The following TTC6 variants were observed in gnomAD, a reference collection of about 807,000 sequenced individuals.
The protein encoded by TTC6 is tetratricopeptide repeat domain 6.
A neutral mutation model predicts 210.4 loss-of-function variants in TTC6; 172 were observed. The observed-to-expected ratio is 0.82, with a 90% confidence interval of 0.72 to 0.93. TTC6 has a LOEUF of 0.93. TTC6 is among the 40% of genes least tolerant of loss of function. The pLI is 0.00. For missense variants in TTC6, 2,414 were observed against 2,318.1 expected (o/e 1.04, Z -0.85); for synonymous variants, 804 against 819.6 (o/e 0.98, Z 0.32).
At chr14:37,698,811 A>T (rs1027695557) in intron 4 of TTC6, among the ~76,000 whole-genome samples, 11 of 152,198 alleles carry the variant, frequency 7.2e-5, no homozygotes, top group Non-Finnish European at 1.3e-4. Context: ...CCATTTCTTG[A>T]GATATTTCTG....
At chr14:37,692,689 T>A (rs2095806146) in intron 3 of TTC6, among the ~76,000 whole-genome samples, 1 of 151,518 alleles carries the variant, frequency 6.6e-6, no homozygotes, top group African/African-American at 2.4e-5. Context: ...AGAAACCCCA[T>A]CTCCACTAAA....
At chr14:37,655,375 C>T (rs2095720304) in intron 1 of TTC6, among the ~76,000 whole-genome samples, 1 of 152,052 alleles carries the variant, frequency 6.6e-6, no homozygotes, top group African/African-American at 2.4e-5. Context: ...ATTTTATTTC[C>T]AGCAGTTTGA....
At chr14:37,729,704 C>T (rs1020485397) in intron 7 of TTC6, among the ~76,000 whole-genome samples, 4 of 152,184 alleles carry the variant, frequency 2.6e-5, no homozygotes, top group African/African-American at 9.7e-5. Context: ...AAGGTTCCCC[C>T]TGCCTACTCC....
At chr14:37,605,941 C>T (rs2095624364) in intron 1 of TTC6, among the ~76,000 whole-genome samples, 2 of 150,964 alleles carry the variant, frequency 1.3e-5, no homozygotes, top group African/African-American at 4.9e-5. Flanking sequence ...TTTTATCCTG[C>T]CTTAAGAACC....
At chr14:37,771,992 TC>T (rs2096020548) in intron 14 of TTC6, among the ~76,000 whole-genome samples, 1 of 152,172 alleles carries the variant, frequency 6.6e-6, no homozygotes, top group Non-Finnish European at 1.5e-5. Context: ...GGTGTGAATG[TC>T]CTTTCTGTTT....
At chr14:37,779,025 C>T (rs146108969) in intron 14 of TTC6, among the ~76,000 whole-genome samples, 43 of 152,282 alleles carry the variant, frequency 2.8e-4, no homozygotes, top group South Asian at 2.5e-3. Flanking sequence ...TTTTGCCCCA[C>T]CACCTTTCTA....
At chr14:37,796,364 G>C (rs1267142631) in exon 19 of TTC6, 1 of 1,182,588 alleles carries the variant, frequency 8.5e-7, no homozygotes, top group East Asian at 2.5e-5. Flanking sequence ...AGCAGAAATG[G>C]ACAAAGGTAA....
intron 10 of TTC6, among the ~76,000 whole-genome samples, chr14:37,742,369 T>C (rs2138971700): frequency 6.6e-6 from 1 of 152,158 alleles, no homozygotes; most frequent in South Asian, 2.1e-4. Flanking sequence ...TCCTTAGTTG[T>C]TTTATCCTTC....
intron 14 of TTC6, among the ~76,000 whole-genome samples, chr14:37,765,492 C>T (rs1595221605): frequency 6.6e-6 from 1 of 152,188 alleles, no homozygotes; most frequent in Non-Finnish European, 1.5e-5. Context: ...CAAATTACAT[C>T]CTTATACATT....
At chr14:37,793,081 C>T (rs2096084234) in intron 17 of TTC6, among the ~76,000 whole-genome samples, 1 of 152,134 alleles carries the variant, frequency 6.6e-6, no homozygotes, top group Non-Finnish European at 1.5e-5. Flanking sequence ...TACCACTTCA[C>T]CTCTAACTGC....
intron 14 of TTC6, among the ~76,000 whole-genome samples, 172 bp from the exon 17 acceptor site, chr14:37,787,296 T>G (rs965659932): frequency 6.6e-6 from 1 of 152,204 alleles, no homozygotes. Flanking sequence ...GTACTTCAAT[T>G]TATAAAAAGT....
At chr14:37,781,566 T>G (rs1304971033) in intron 14 of TTC6, among the ~76,000 whole-genome samples, 1 of 152,198 alleles carries the variant, frequency 6.6e-6, no homozygotes, top group Admixed American at 6.5e-5. Context: ...TTTTCTCCCA[T>G]TCTGTAGGTT....
intron 2 of TTC6, among the ~76,000 whole-genome samples, chr14:37,616,363 G>A (rs1192310011): frequency 1.3e-5 from 2 of 152,084 alleles, no homozygotes; most frequent in African/African-American, 4.8e-5. Flanking sequence ...GTTATGGACT[G>A]TGTTTGAAGA....
chr14:37,689,051 C>T (rs1029392657), intron 3 of TTC6, among the ~76,000 whole-genome samples: 1 of 151,896 alleles, frequency 6.6e-6, no homozygotes, highest in Non-Finnish European at 1.5e-5. Flanking sequence ...TGAAGAAACT[C>T]AAAGAAATTC....
intron 3 of TTC6, 57 bp from the exon 6 acceptor site, chr14:37,696,660 A>T (rs1009227944): frequency 8.7e-6 from 7 of 808,688 alleles, no homozygotes; most frequent in Middle Eastern, 4.7e-4. Flanking sequence ...TATGAGAGAA[A>T]GATCTAACTC....
At chr14:37,605,210 C>T (rs2095622959) in intron 1 of TTC6, among the ~76,000 whole-genome samples, 1 of 152,134 alleles carries the variant, frequency 6.6e-6, no homozygotes, top group Admixed American at 6.6e-5. Flanking sequence ...ATTGATTAAA[C>T]CCTCCTATTG....
chr14:37,822,295 G>A (rs2096159767), intron 26 of TTC6, among the ~76,000 whole-genome samples: 1 of 152,126 alleles, frequency 6.6e-6, no homozygotes, highest in African/African-American at 2.4e-5. Flanking sequence ...AAAATATTTA[G>A]TAAATGATAG....
intron 6 of TTC6, among the ~76,000 whole-genome samples, chr14:37,723,152 T>A (rs927179041): frequency 2.0e-5 from 3 of 151,988 alleles, no homozygotes; most frequent in African/African-American, 7.3e-5. Context: ...CATTGTGGGA[T>A]TTTTTTTAGA....
At chr14:37,678,495 C>G (rs1422664101) in intron 1 of TTC6, among the ~76,000 whole-genome samples, 1 of 152,182 alleles carries the variant, frequency 6.6e-6, no homozygotes, top group Non-Finnish European at 1.5e-5. Flanking sequence ...GGAGCTCTTT[C>G]TCTATGCAGT....
Sources: allele counts gnomAD v4.1 joint callset (sites outside exome capture counted in the v4.1 genomes callset), GRCh38; gene constraint gnomAD v4.1.1; transcripts MANE v1.5; gene names NCBI Gene and HGNC (gene_info 2026-07-23, HGNC 2026-07-21).